The following KIFC3 variants were observed in gnomAD, a reference collection of about 807,000 sequenced individuals.
KIFC3 encodes the protein kinesin-like protein KIFC3.
Under a neutral mutation model 101.8 loss-of-function variants are expected in KIFC3, and 60 were observed. That is an observed-to-expected ratio of 0.59 (90% CI 0.48 to 0.73). The LOEUF (loss-of-function observed/expected upper bound fraction) is 0.73. Ranked by LOEUF, KIFC3 falls within the 30% of genes least tolerant of loss-of-function variation. KIFC3 has a pLI of 0.00. For synonymous variants in KIFC3, 476 were observed against 482.7 expected, an observed-to-expected ratio of 0.99 and a Z score of 0.18; for missense variants, 966 against 1,137.1, an observed-to-expected ratio of 0.85 and a Z score of 2.16.
At chr16:57,761,596 C>A in intron 13 of KIFC3, 60 bp from the exon 14 acceptor site, 1 of 1,576,020 alleles carries the variant, frequency 6.3e-7, no homozygotes, top group South Asian at 1.1e-5. Context: ...GTTTGCACTG[C>A]ACCCAGCCCC....
intron 1 of KIFC3, among the ~76,000 whole-genome samples, chr16:57,853,127 C>T (rs2056092300): frequency 6.6e-6 from 1 of 151,926 alleles, no homozygotes; most frequent in Non-Finnish European, 1.5e-5. Flanking sequence ...TAAAAGTATT[C>T]AAATAATCTG....
chr16:57,785,825 C>T (rs1194011149), intron 3 of KIFC3, among the ~76,000 whole-genome samples: 3 of 151,832 alleles, frequency 2.0e-5, no homozygotes, highest in Admixed American at 6.5e-5. Flanking sequence ...CATAGGTTAG[C>T]TGGGGCCTCC....
chr16:57,802,911 A>AT (rs2054833288), upstream of KIFC3: 1 of 1,455,126 alleles, frequency 6.9e-7, no homozygotes, highest in Admixed American at 2.0e-5. This position sits in a 1 kb window ranked among gnomAD's most constrained non-coding sequence, Gnocchi z 5.0. Flanking sequence ...GCGGGCTCTC[A>AT]TACCAGTACG....
intron 1 of KIFC3, among the ~76,000 whole-genome samples, chr16:57,829,535 G>A (rs183405169): frequency 2.6e-5 from 4 of 152,174 alleles, no homozygotes; most frequent in Admixed American, 6.5e-5. Context: ...GATTACAGGC[G>A]TGAGCCACCA....
chr16:57,839,160 T>C (rs1394170454), intron 1 of KIFC3, among the ~76,000 whole-genome samples: 3 of 152,070 alleles, frequency 2.0e-5, no homozygotes, highest in Non-Finnish European at 2.9e-5. Context: ...GCCACTGCAC[T>C]TCAGCCTGAG....
intron 1 of KIFC3, chr16:57,815,646 G>T: frequency 2.3e-6 from 3 of 1,289,866 alleles, no homozygotes; most frequent in Non-Finnish European, 3.0e-6. Flanking sequence ...CTCCAAAAAC[G>T]TAAGTGAAGT....
intron 3 of KIFC3, among the ~76,000 whole-genome samples, chr16:57,780,590 AAAG>A (rs1240136458): frequency 2.7e-5 from 4 of 150,684 alleles, no homozygotes; most frequent in African/African-American, 7.3e-5. Context: ...AAAAAAAAAA[AAAG>A]AAGAAGGCAG....
At position 57,770,567 on chromosome 16, in the gene KIFC3, A is replaced by T; in HGVS notation, c.899T>A (p.Leu300Gln). ...CGCGGTCAGCTGGTGTGAGCTCTGCAGCTGCTGTTCCATCTCCTTCAGCAC... is the reference window on the plus strand; with the variant it reads ...CGCGGTCAGCTGGTGTGAGCTCTGCTGCTGCTGTTCCATCTCCTTCAGCAC... ...RQVLKEMEQQ[L>Q]QSSHQLTARL... The change falls in exon 7 of 20, where the codon CTG becomes CAG. Residue 300 changes from leucine (L) to glutamine (Q), a missense_variant. By Grantham distance (113) the Leu-to-Gln change is moderately radical. Coordinates refer to ENST00000445690, the MANE Select transcript of KIFC3 (RefSeq NM_001130100.2). 6.6e-7 allele frequency: 1 copy of T among 1,504,920 alleles called. No homozygotes were observed. 93.2% of individuals were successfully genotyped at this position (1,504,920 alleles called of 1,614,324 possible). A position where few individuals can be genotyped will look rare whatever the true frequency, so the allele number is the denominator to read the frequency against.
chr16:57,798,855 C>G (rs1193701698), intron 1 of KIFC3, among the ~76,000 whole-genome samples: 1 of 152,174 alleles, frequency 6.6e-6, no homozygotes, highest in Non-Finnish European at 1.5e-5. Flanking sequence ...ATTCGACTAG[C>G]CTGCGCTCTG....
chr16:57,814,142 T>G (rs1199260029), intron 1 of KIFC3, among the ~76,000 whole-genome samples: 2 of 152,106 alleles, frequency 1.3e-5, no homozygotes, highest in African/African-American at 4.8e-5. Context: ...CTGCCCAGCC[T>G]TCTCTCCCAC....
At position 57,840,207 on chromosome 16, in the gene KIFC3, G is replaced by A. The variant is rs142390231; in HGVS notation, c.108+22522C>T. On this transcript the variant is annotated intron_variant, in intron 1 of 2. Transcript: ENST00000563028. ...ACAAAAATTAACCAGGCGTGGTGGCGCGCACCTGTAATTCCAGCTGCTCAG... is the reference window on the plus strand; with the variant it reads ...ACAAAAATTAACCAGGCGTGGTGGCACGCACCTGTAATTCCAGCTGCTCAG... Among the ~76,000 whole-genome samples the A allele has an allele frequency of 2.7e-4, 41 of 152,160 alleles. 1 individual carries two copies. The highest frequency in any genetic ancestry group is 7.9e-4 in the African/African-American group (33 of 41,526).
intron 2 of KIFC3, chr16:57,797,699 A>T: frequency 8.7e-7 from 1 of 1,144,312 alleles, no homozygotes; most frequent in Non-Finnish European, 1.1e-6. Flanking sequence ...CAGCCACTTC[A>T]CCTACCTTGT....
Position 57,854,585 on chromosome 16 carries a change from G to A in KIFC3, c.108+8144C>T, listed in dbSNP as rs1222785840. Among the ~76,000 whole-genome samples, 5 of 149,336 alleles carry A rather than the reference G, an allele frequency of 3.3e-5. No homozygotes were observed. The East Asian group carries it at 5.9e-4, about 18-fold the overall frequency. On this transcript the variant is annotated intron_variant, in intron 1 of 2. Transcript: ENST00000563028. ...GGAGGTTGCAGTGAGTTGAGATCGC[G>A]CCACTCCACTCCAGCCTGGGTGACA...
At chr16:57,788,456 G>A (rs549652403) in intron 3 of KIFC3, 2 of 967,014 alleles carry the variant, frequency 2.1e-6, no homozygotes, top group Non-Finnish European at 2.7e-6. Flanking sequence ...GCTGGAGTCT[G>A]TCTAGGCCAC....
Position 57,771,548 on chromosome 16 carries a change from T to G in KIFC3, c.520A>C (p.Ser174Arg). Residue 174 changes from serine to arginine, a missense_variant, in exon 5 of 20, where the codon AGC becomes CGC. Around this residue, in one of 2 missense-constraint regions of KIFC3, gnomAD observed 277 missense variants for 252.5 expected, o/e 1.10. Transcript: ENST00000445690. Reference sequence around the variant, plus strand: ...ACCACGGCCATTCTGCTCACCTGGCTGTGCTCACAACCTGGGCAGGGACCT... The same window carrying G: ...ACCACGGCCATTCTGCTCACCTGGCGGTGCTCACAACCTGGGCAGGGACCT... ...PAGPCPGCEH[S>R]QESAQLRDKL... 2 of 1,613,016 alleles carry G rather than the reference T, an allele frequency of 1.2e-6. No individual in the cohort carries two copies. Among genetic ancestry groups the G allele is most frequent in the Non-Finnish European group, 1.7e-6 (2 of 1,179,602 alleles).
intron 3 of KIFC3, among the ~76,000 whole-genome samples, chr16:57,781,346 C>A (rs1412272126): frequency 2.0e-5 from 3 of 152,138 alleles, no homozygotes; most frequent in Non-Finnish European, 2.9e-5. Flanking sequence ...GAGGTCTGGG[C>A]AGCATGTCAC....
intron 3 of KIFC3, among the ~76,000 whole-genome samples, chr16:57,792,415 T>C (rs2053950780): frequency 6.6e-6 from 1 of 152,220 alleles, no homozygotes; most frequent in Non-Finnish European, 1.5e-5. Context: ...AATAATCTGT[T>C]GAACAAATGC....
At chr16:57,763,454 T>G (rs1377531619) in intron 12 of KIFC3, among the ~76,000 whole-genome samples, 1 of 151,856 alleles carries the variant, frequency 6.6e-6, no homozygotes, top group African/African-American at 2.4e-5. Flanking sequence ...GCTAGCCCCT[T>G]CCCCTGTCCA....
At chr16:57,847,254 GGAAGGAAGGAAGGA>G (rs1567339372) in intron 1 of KIFC3, among the ~76,000 whole-genome samples, 8 of 101,670 alleles carry the variant, frequency 7.9e-5, no homozygotes, top group Middle Eastern at 4.2e-3. Context: ...AAGGAAGGAA[GGAAGGAAGGAAGGA>G]AGGGAAGGGA....
Sources: gnomAD v4.1 joint callset for allele counts (sites outside exome capture counted in the v4.1 genomes callset) on GRCh38, gnomAD v4.1.1 for gene constraint, gnomAD v4.1.1 regional missense constraint, Gnocchi (gnomAD v3.1) non-coding constraint, MANE v1.5 for transcripts, NCBI Gene and HGNC (gene_info 2026-07-23, HGNC 2026-07-21) for gene names.